FRZB: variants seen among roughly 807,000 people sequenced by gnomAD.
FRZB encodes frizzled related protein, also known as secreted frizzled-related protein 3.
Under a neutral mutation model 32.5 loss-of-function variants are expected in FRZB, and 34 were observed. The ratio of observed to expected loss-of-function variants is 1.05; its 90% CI spans 0.80 to 1.39. The LOEUF is 1.39. Ranked by LOEUF, FRZB falls within the 40% of genes most tolerant of loss-of-function variation. The pLI is 0.00. For missense variants in FRZB, 423 were observed against 424.8 expected (o/e 1.00, Z 0.04); for synonymous variants, 170 against 159.2 (o/e 1.07, Z -0.51).
intron 1 of FRZB, among the ~76,000 whole-genome samples, chr2:182,861,868 A>G (rs1191828162): frequency 1.3e-5 from 2 of 152,204 alleles, no homozygotes; most frequent in African/African-American, 2.4e-5. Flanking sequence ...ATAAGATTAC[A>G]TTACTCCTGA....
intron 2 of FRZB, among the ~76,000 whole-genome samples, chr2:182,851,765 TGTG>T (rs2105759372): frequency 6.6e-6 from 1 of 151,838 alleles, no homozygotes; most frequent in Admixed American, 6.6e-5. Context: ...AGGAGGGAAA[TGTG>T]GTCCTAGAGA....
At chr2:182,849,184 G>A (rs370592850) in intron 2 of FRZB, among the ~76,000 whole-genome samples, 48 of 151,868 alleles carry the variant, frequency 3.2e-4, no homozygotes, top group African/African-American at 1.1e-3. Flanking sequence ...CTGAGATCGC[G>A]CCACTGCACT....
chr2:182,857,839 G>A (rs1450949184), intron 2 of FRZB, among the ~76,000 whole-genome samples: 1 of 151,912 alleles, frequency 6.6e-6, no homozygotes, highest in African/African-American at 2.4e-5. Flanking sequence ...AACTTAAAAT[G>A]GGCAAAATTA....
chr2:182,866,311 C>T lies in FRZB; in HGVS notation c.242G>A (p.Ser81Asn). 6.2e-7 allele frequency: 1 copy of T among 1,614,244 alleles called. No homozygotes were observed. The change falls in exon 1 of 6, where the codon AGC (serine) becomes AAC (asparagine). Residue 81 changes from serine to asparagine, a missense_variant. By Grantham distance (46) the Ser-to-Asn change is conservative. Coordinates refer to ENST00000295113, the MANE Select transcript of FRZB (RefSeq NM_001463.4). The surrounding 1 kb of genome is among the most constrained non-coding windows in gnomAD (Gnocchi z 4.5). ...ACAGAGGAAGAAGAGCAGATCGGGG[C>T]TGCAGTGGGTGCCCAGCAGACCTTC... ...QFEGLLGTHC[S>N]PDLLFFLCAM...
rs373163524 is a variant in FRZB at position 182,866,270 on chromosome 2, T to C, written c.283A>G (p.Ile95Val). 12 of 1,614,020 alleles carry C rather than the reference T, an allele frequency of 7.4e-6. No homozygotes were observed. The African/African-American group carries it at 1.2e-4, about 16-fold the overall frequency. ...LFFLCAMYAP[I>V]CTIDFQHEPI... is the part of the protein sequence containing the mutation. ...TCGTGCTGGAAGTCAATGGTGCAGA[T>C]GGGCGCGTACATGGCACAGAGGAAG... Residue 95 changes from isoleucine (I) to valine (V), a missense_variant, in exon 1 of 6, where the codon ATC (isoleucine) becomes GTC (valine). By Grantham distance (29) the Ile-to-Val change is conservative (BLOSUM62 3). Coordinates refer to ENST00000295113, the MANE Select transcript of FRZB (RefSeq NM_001463.4). This position sits in a 1 kb window ranked among gnomAD's most constrained non-coding sequence, Gnocchi z 4.5.
At chr2:182,844,438 A>C (rs1038631929) in intron 2 of FRZB, among the ~76,000 whole-genome samples, 4 of 152,208 alleles carry the variant, frequency 2.6e-5, no homozygotes, top group Non-Finnish European at 5.9e-5. Flanking sequence ...AGATGAGAAT[A>C]TTTCTGAAGA....
intron 1 of FRZB, among the ~76,000 whole-genome samples, chr2:182,861,846 T>C (rs1475281332): frequency 2.0e-5 from 3 of 152,194 alleles, no homozygotes; most frequent in African/African-American, 7.2e-5. Flanking sequence ...ATTATTAAGA[T>C]TTGGAGACTA....
intron 5 of FRZB, 25 bp from the exon 6 acceptor site, chr2:182,834,990 G>A: frequency 6.7e-7 from 1 of 1,502,844 alleles, no homozygotes; most frequent in Non-Finnish European, 9.3e-7. Flanking sequence ...ATAGAAAATA[G>A]TCACAAGCAC....
rs371741810 is a variant in FRZB at position 182,838,529 on chromosome 2, G to T, written c.677C>A (p.Ser226Tyr). 1 of 1,612,784 alleles carries T rather than the reference G, an allele frequency of 6.2e-7. No individual in the cohort carries two copies. Among genetic ancestry groups the T allele is most frequent in the Non-Finnish European group, 8.5e-7 (1 of 1,179,196 alleles). The change falls in exon 4 of 6, where the codon TCT (serine) becomes TAT (tyrosine). Residue 226 changes from serine to tyrosine, a missense_variant. Physicochemically the swap from Ser to Tyr is moderately radical, Grantham distance 144 (BLOSUM62 -2). Transcript: ENST00000295113. ...VVEVKEILKS[S>Y]LVNIPRDTVN... ...AGTGTCCCGTGGAATGTTTACCAGA[G>T]AGGACTTTAGAATCTCCTTCACCTC... is the stretch of plus-strand genomic sequence containing the variant.
At chr2:182,860,158 T>C (rs1260413292) in intron 1 of FRZB, among the ~76,000 whole-genome samples, 2 of 152,176 alleles carry the variant, frequency 1.3e-5, no homozygotes, top group Non-Finnish European at 2.9e-5. Context: ...TTTTACTTCT[T>C]CCATTCTTAT....
chr2:182,840,888 T>C (rs1427993220), intron 3 of FRZB, among the ~76,000 whole-genome samples: 1 of 152,096 alleles, frequency 6.6e-6, no homozygotes, highest in African/African-American at 2.4e-5. Context: ...CTACAGAAGC[T>C]AGATAAAATA....
chr2:182,846,511 A>G (rs1291145665), intron 2 of FRZB, among the ~76,000 whole-genome samples: 1 of 152,140 alleles, frequency 6.6e-6, no homozygotes, highest in Non-Finnish European at 1.5e-5. Context: ...AAGAAAATAC[A>G]ATTGTATTTG....
chr2:182,861,281 CT>C (rs1695828859), intron 1 of FRZB, among the ~76,000 whole-genome samples: 3 of 152,106 alleles, frequency 2.0e-5, no homozygotes, highest in Admixed American at 6.5e-5. Flanking sequence ...GCTTCGAATT[CT>C]CTTTTTCTTA....
intron 2 of FRZB, among the ~76,000 whole-genome samples, chr2:182,856,183 A>G (rs1695766268): frequency 6.6e-6 from 1 of 152,038 alleles, no homozygotes; most frequent in African/African-American, 2.4e-5. Flanking sequence ...AGAACAGAAG[A>G]GAAAGAATAC....
intron 2 of FRZB, among the ~76,000 whole-genome samples, chr2:182,853,334 A>G (rs1283871301): frequency 6.6e-6 from 1 of 152,198 alleles, no homozygotes; most frequent in African/African-American, 2.4e-5. Context: ...TTGAAGTGCT[A>G]TATTACTCTA....
intron 2 of FRZB, among the ~76,000 whole-genome samples, chr2:182,852,548 C>T (rs1016212194): frequency 3.9e-5 from 6 of 152,140 alleles, no homozygotes; most frequent in Non-Finnish European, 5.9e-5. Flanking sequence ...ACTCTATCTC[C>T]GCTCTGGAGA....
chr2:182,845,010 A>T (rs973725010), intron 2 of FRZB, among the ~76,000 whole-genome samples: 4 of 152,186 alleles, frequency 2.6e-5, no homozygotes, highest in African/African-American at 9.6e-5. Flanking sequence ...TAGCTCGATA[A>T]AATAACAGTA....
chr2:182,852,446 A>T (rs1460860752), intron 2 of FRZB, among the ~76,000 whole-genome samples: 2 of 152,166 alleles, frequency 1.3e-5, no homozygotes, highest in Non-Finnish European at 2.9e-5. Context: ...ATCAGAAGGG[A>T]ACTCAGATCA....
intron 2 of FRZB, among the ~76,000 whole-genome samples, chr2:182,847,172 C>T (rs1381392626): frequency 6.6e-6 from 1 of 152,102 alleles, no homozygotes; most frequent in Non-Finnish European, 1.5e-5. Flanking sequence ...TGATACATGA[C>T]ATGAAATTAA....
Sources: allele counts gnomAD v4.1 joint callset (sites outside exome capture counted in the v4.1 genomes callset), GRCh38; gene constraint gnomAD v4.1.1; non-coding constraint Gnocchi (gnomAD v3.1); transcripts MANE v1.5; gene names NCBI Gene and HGNC (gene_info 2026-07-23, HGNC 2026-07-21).